Variants in NRF1 observed in about 807,000 individuals in gnomAD.
NRF1 encodes nuclear respiratory factor 1, also known as alpha palindromic-binding protein.
A neutral mutation model predicts 58.5 loss-of-function variants in NRF1; 5 were observed. The observed-to-expected ratio is 0.09, with a 90% CI of 0.04 to 0.18. NRF1 has a LOEUF of 0.18. NRF1 is among the 10% of genes least tolerant of loss of function. The pLI, the probability that NRF1 is intolerant of heterozygous loss-of-function variation, is 1.00. For missense variants in NRF1, 288 were observed against 657.7 expected, an observed-to-expected ratio of 0.44 and a Z score of 6.15; for synonymous variants, 224 against 246.7, an observed-to-expected ratio of 0.91 and a Z score of 0.86.
Position 129,727,244 on chromosome 7 carries a change from A to T in NRF1, c.1227A>T (p.Glu409Asp). ...TCTCCTGTTCCTGTGCCCGCAGCGA[A>T]GCTGCCGCCCATGCTGTCGCCACCC... is the stretch of plus-strand genomic sequence containing the variant. ...GATVTMALNS[E>D]AAAHAVATLA... The change falls in exon 10 of 11, where the codon GAA (glutamate) becomes GAT (aspartate). Residue 409 changes from glutamate (E) to aspartate (D), a missense_variant. Physicochemically the swap from Glu to Asp is conservative, Grantham distance 45 (BLOSUM62 2). Around this residue, in one of 3 missense-constraint regions of NRF1, gnomAD observed 212 missense variants for 559.7 expected, o/e 0.38. Transcript: ENST00000393232. The T allele has an allele frequency of 6.3e-7, 1 of 1,590,784 alleles. No homozygotes were observed. The highest frequency in any genetic ancestry group is 8.5e-7 in the Non-Finnish European group (1 of 1,173,550).
chr7:129,746,133 T>C (rs1803970376), intron 10 of NRF1, among the ~76,000 whole-genome samples: 1 of 152,218 alleles, frequency 6.6e-6, no homozygotes, highest in Admixed American at 6.5e-5. Flanking sequence ...GTAAGACATA[T>C]TTTAATCCAT....
intron 1 of NRF1, among the ~76,000 whole-genome samples, chr7:129,635,211 G>A (rs1227478933): frequency 6.6e-6 from 1 of 152,158 alleles, no homozygotes; most frequent in African/African-American, 2.4e-5. Flanking sequence ...CTTCAGAGAT[G>A]GGAAAAGGGA....
chr7:129,615,242 T>G (rs1296137481), intron 1 of NRF1, among the ~76,000 whole-genome samples: 1 of 152,228 alleles, frequency 6.6e-6, no homozygotes, highest in East Asian at 1.9e-4. Flanking sequence ...TGTTGCTTCA[T>G]GCTGAAGCAG....
intron 5 of NRF1, among the ~76,000 whole-genome samples, chr7:129,706,474 G>A (rs1240029280): frequency 1.3e-5 from 2 of 152,150 alleles, no homozygotes; most frequent in Non-Finnish European, 2.9e-5. Context: ...CAAAAGAACT[G>A]GACTTGCAAT....
chr7:129,715,450 A>G (rs1305472606), intron 8 of NRF1, among the ~76,000 whole-genome samples: 1 of 152,162 alleles, frequency 6.6e-6, no homozygotes, highest in African/African-American at 2.4e-5. Context: ...GGGCAGTGGG[A>G]GAGTCTTCAT....
intron 6 of NRF1, among the ~76,000 whole-genome samples, chr7:129,710,115 G>A (rs1296342510): frequency 1.3e-5 from 2 of 152,158 alleles, no homozygotes; most frequent in East Asian, 3.9e-4. Flanking sequence ...TTTGCAAGAA[G>A]TTTAAGAGTT....
At chr7:129,655,713 G>A (rs530372905) in intron 1 of NRF1, among the ~76,000 whole-genome samples, 7 of 152,138 alleles carry the variant, frequency 4.6e-5, no homozygotes, top group African/African-American at 1.7e-4. Context: ...GTAGAGACAG[G>A]GTTTTTCCAT....
intron 2 of NRF1, among the ~76,000 whole-genome samples, chr7:129,658,956 G>A (rs1801721963): frequency 6.6e-6 from 1 of 151,910 alleles, no homozygotes; most frequent in Non-Finnish European, 1.5e-5. Flanking sequence ...GACGTGAATA[G>A]GTCATGTGAA....
intron 1 of NRF1, among the ~76,000 whole-genome samples, chr7:129,617,287 A>G (rs1224348945): frequency 1.3e-5 from 2 of 152,198 alleles, no homozygotes; most frequent in Non-Finnish European, 2.9e-5. Flanking sequence ...TAGAACTTTA[A>G]GAGTCCGTTT....
At chr7:129,683,677 C>T (rs1802381031) in intron 4 of NRF1, among the ~76,000 whole-genome samples, 1 of 147,590 alleles carries the variant, frequency 6.8e-6, no homozygotes, top group African/African-American at 2.5e-5. Flanking sequence ...CTCTATCACC[C>T]AGGCTAGAGT....
At chr7:129,660,515 C>G (rs770633226) in intron 2 of NRF1, among the ~76,000 whole-genome samples, 2 of 150,788 alleles carry the variant, frequency 1.3e-5, no homozygotes, top group Non-Finnish European at 2.9e-5. Context: ...TACAGGCATT[C>G]CAAGTGGGAG....
At chr7:129,745,515 C>CT (rs1267736655) in intron 10 of NRF1, among the ~76,000 whole-genome samples, 1 of 149,590 alleles carries the variant, frequency 6.7e-6, no homozygotes, top group African/African-American at 2.5e-5. Flanking sequence ...AACCCCCCCC[C>CT]CATCCATGGA....
At chr7:129,640,505 G>A (rs1389091607) in intron 1 of NRF1, among the ~76,000 whole-genome samples, 1 of 152,060 alleles carries the variant, frequency 6.6e-6, no homozygotes, top group African/African-American at 2.4e-5. Flanking sequence ...GTGAGACCCT[G>A]TCTCTTAAAA....
At chr7:129,738,369 T>C (rs796228215) in intron 10 of NRF1, among the ~76,000 whole-genome samples, 3 of 152,356 alleles carry the variant, frequency 2.0e-5, no homozygotes, top group African/African-American at 7.2e-5. Flanking sequence ...TCCTGGGAAC[T>C]GTATGTGGTG....
intron 7 of NRF1, among the ~76,000 whole-genome samples, chr7:129,710,868 C>T (rs1803056851): frequency 1.3e-5 from 2 of 151,946 alleles, no homozygotes; most frequent in South Asian, 4.2e-4. Context: ...GCCTCAACCT[C>T]CCGGGCTCAA....
At chr7:129,745,266 C>G (rs1803946480) in intron 10 of NRF1, among the ~76,000 whole-genome samples, 1 of 152,122 alleles carries the variant, frequency 6.6e-6, no homozygotes, top group Non-Finnish European at 1.5e-5. Context: ...CTAGTGATTT[C>G]TTCTGGGAAT....
intron 1 of NRF1, among the ~76,000 whole-genome samples, chr7:129,655,627 T>G (rs1801637083): frequency 6.6e-6 from 1 of 152,094 alleles, no homozygotes; most frequent in Non-Finnish European, 1.5e-5. Flanking sequence ...GTTCAAGCGA[T>G]TCTTCTGCCT....
In NRF1 at chr7:129,727,201, C is replaced by G. The variant is rs746271489; in HGVS notation, c.1224-40C>G. ...GGTTTGTCTTGGCTGCAGTGCTGTT[C>G]CTCTATTCATCATCCTCTCTCCTGT... On this transcript the variant is annotated intron_variant, in intron 9 of 10. Coordinates refer to ENST00000393232, the MANE Select transcript of NRF1 (RefSeq NM_005011.5). The G allele has an allele frequency of 2.6e-6, 4 of 1,544,016 alleles. No individual in the cohort carries two copies. In the South Asian group the frequency reaches 5.1e-5, roughly 20 times the overall value.
At chr7:129,715,036 C>T (rs1803156010) in intron 8 of NRF1, among the ~76,000 whole-genome samples, 1 of 152,200 alleles carries the variant, frequency 6.6e-6, no homozygotes, top group Admixed American at 6.5e-5. Context: ...ATTGCTTTTA[C>T]TGCCCCTGCT....
Sources: gnomAD v4.1 joint callset for allele counts (sites outside exome capture counted in the v4.1 genomes callset) on GRCh38, gnomAD v4.1.1 for gene constraint, gnomAD v4.1.1 regional missense constraint, MANE v1.5 for transcripts, NCBI Gene and HGNC (gene_info 2026-07-23, HGNC 2026-07-21) for gene names.